Variants in RSPO2 observed in about 807,000 individuals in gnomAD.
The protein encoded by RSPO2 is R-spondin-2.
In RSPO2, 14 loss-of-function variants were observed where a neutral mutation model predicts 30.9. The observed-to-expected ratio is 0.45, with a 90% confidence interval of 0.30 to 0.71. The LOEUF is 0.71. RSPO2 is among the 30% of genes least tolerant of loss of function. RSPO2 has a pLI of 0.08. For synonymous variants in RSPO2, 107 were observed against 96.4 expected (o/e 1.11, Z -0.64); for missense variants, 264 against 301.9 (o/e 0.87, Z 0.93).
At chr8:107,960,513 T>C (rs1813592099) in intron 4 of RSPO2, among the ~76,000 whole-genome samples, 161 bp downstream of exon 4, 1 of 152,178 alleles carries the variant, frequency 6.6e-6, no homozygotes. Context: ...GACTATCCAA[T>C]TGTCATGATG....
chr8:107,998,823 G>T (rs534758773), intron 2 of RSPO2, among the ~76,000 whole-genome samples: 2 of 152,040 alleles, frequency 1.3e-5, no homozygotes, highest in Non-Finnish European at 2.9e-5. Context: ...GAGGCAGGCC[G>T]ATCACCTAGA....
chr8:107,934,048 A>T (rs1812637679), intron 5 of RSPO2, among the ~76,000 whole-genome samples: 1 of 152,242 alleles, frequency 6.6e-6, no homozygotes, highest in African/African-American at 2.4e-5. Context: ...AATCCTCCTC[A>T]TTAATAAATA....
At chr8:107,988,113 A>C (rs992064042) in intron 3 of RSPO2, among the ~76,000 whole-genome samples, 1 of 152,262 alleles carries the variant, frequency 6.6e-6, no homozygotes, top group South Asian at 2.1e-4. Flanking sequence ...CTGACCTAGA[A>C]GACGAGACTC....
intron 5 of RSPO2, among the ~76,000 whole-genome samples, chr8:107,945,393 C>T (rs1292792765): frequency 6.6e-6 from 1 of 151,656 alleles, no homozygotes; most frequent in Non-Finnish European, 1.5e-5. Context: ...AGACTACAGG[C>T]ATCTGCCACC....
At chr8:108,063,793 A>C (rs1812560618) in intron 2 of RSPO2, among the ~76,000 whole-genome samples, 1 of 152,208 alleles carries the variant, frequency 6.6e-6, no homozygotes, top group South Asian at 2.1e-4. Context: ...ACAAGGCTAC[A>C]GTAACCAAAA....
At chr8:107,923,908 T>C (rs1172349220) in intron 5 of RSPO2, among the ~76,000 whole-genome samples, 1 of 151,790 alleles carries the variant, frequency 6.6e-6, no homozygotes, top group Admixed American at 6.6e-5. Context: ...CATGGACACA[T>C]AGAGGGGAAC....
intron 5 of RSPO2, among the ~76,000 whole-genome samples, chr8:107,919,402 T>C (rs980372773): frequency 2.6e-5 from 4 of 152,146 alleles, no homozygotes; most frequent in Admixed American, 2.0e-4. Flanking sequence ...ACAAAGACGA[T>C]AATAGCCCTT....
chr8:107,907,540 C>T (rs1811690060), intron 5 of RSPO2, among the ~76,000 whole-genome samples: 2 of 151,560 alleles, frequency 1.3e-5, no homozygotes, highest in African/African-American at 4.9e-5. Context: ...ATTTCATCGT[C>T]ATAAAAGAGC....
At chr8:107,904,449 C>G (rs1010896778) in intron 5 of RSPO2, among the ~76,000 whole-genome samples, 1 of 152,002 alleles carries the variant, frequency 6.6e-6, no homozygotes, top group Non-Finnish European at 1.5e-5. Flanking sequence ...ATCTTTATCC[C>G]TAGTGTCTTG....
chr8:107,996,015 AT>A (rs755577648), intron 2 of RSPO2, among the ~76,000 whole-genome samples: 4 of 152,130 alleles, frequency 2.6e-5, no homozygotes, highest in Non-Finnish European at 5.9e-5. Context: ...AAGAGGTTTT[AT>A]TCTGGTATCA....
At chr8:107,926,855 C>T (rs1300914626) in intron 5 of RSPO2, among the ~76,000 whole-genome samples, 1 of 152,126 alleles carries the variant, frequency 6.6e-6, no homozygotes, top group African/African-American at 2.4e-5. Context: ...GTTCTTTTGG[C>T]TTAGGATTGA....
chr8:107,983,791 A>T (rs1291062635), intron 3 of RSPO2: 177 of 1,603,010 alleles, frequency 1.1e-4, no homozygotes, highest in Non-Finnish European at 1.5e-4. Context: ...GAAACATCAG[A>T]GTTATGGAGC....
At chr8:107,950,013 T>G (rs771777301) in intron 5 of RSPO2, among the ~76,000 whole-genome samples, 2 of 152,182 alleles carry the variant, frequency 1.3e-5, no homozygotes, top group Non-Finnish European at 2.9e-5. Context: ...TGTGACGACA[T>G]CGTCCACCAT....
intron 2 of RSPO2, among the ~76,000 whole-genome samples, chr8:108,045,688 CTGAGTAATGTTCACCTTTTCTGGACAT>C (rs1811889977): frequency 6.6e-6 from 1 of 152,062 alleles, no homozygotes; most frequent in Non-Finnish European, 1.5e-5. Flanking sequence ...ACAAGGTTAA[CTGAGTAATGTTCACCTTTTCTGGACAT>C]TAAAAGATAG....
At chr8:107,916,107 T>C (rs780971192) in intron 5 of RSPO2, among the ~76,000 whole-genome samples, 2 of 152,208 alleles carry the variant, frequency 1.3e-5, no homozygotes, top group Admixed American at 1.3e-4. Flanking sequence ...AGAGCTCTGA[T>C]TAATTGGCTT....
chr8:107,968,859 TAATA>T (rs770886373), intron 3 of RSPO2, among the ~76,000 whole-genome samples: 124 of 152,224 alleles, frequency 8.1e-4, no homozygotes, highest in East Asian at 2.1e-3. Context: ...TATGTAGTTT[TAATA>T]AATAAATATA....
chr8:108,019,051 T>C (rs1586632535), intron 2 of RSPO2, among the ~76,000 whole-genome samples: 1 of 152,232 alleles, frequency 6.6e-6, no homozygotes. Flanking sequence ...TTATTTTATT[T>C]CTGATCCATG....
chr8:108,078,241 C>T (rs1026856566), intron 2 of RSPO2, among the ~76,000 whole-genome samples: 10 of 152,162 alleles, frequency 6.6e-5, no homozygotes, highest in South Asian at 2.1e-4. Context: ...AGTTTGAGCA[C>T]AGCAACTTTC....
intron 5 of RSPO2, 128 bp from the exon 6 acceptor site, chr8:107,901,318 G>T: frequency 9.9e-7 from 1 of 1,008,012 alleles, no homozygotes; most frequent in Non-Finnish European, 1.4e-6. Flanking sequence ...AAGCCTCAAA[G>T]AGAAAATTGT....
Sources: gnomAD v4.1 joint callset for allele counts (sites outside exome capture counted in the v4.1 genomes callset) on GRCh38, gnomAD v4.1.1 for gene constraint, MANE v1.5 for transcripts, NCBI Gene and HGNC (gene_info 2026-07-23, HGNC 2026-07-21) for gene names.